Variants in TLK1 observed in about 807,000 individuals in gnomAD.
The protein encoded by TLK1 is serine/threonine-protein kinase tousled-like 1.
Under a neutral mutation model 105.3 loss-of-function variants are expected in TLK1, and 24 were observed. The ratio of observed to expected loss-of-function variants is 0.23; its 90% CI spans 0.17 to 0.32. The LOEUF is 0.32. Among genes scored for constraint, TLK1 ranks in the 10% least tolerant of loss-of-function variants. The pLI is 1.00. For missense variants in TLK1, 558 were observed against 910.5 expected (o/e 0.61, Z 4.98); for synonymous variants, 321 against 310.4 (o/e 1.03, Z -0.36).
intron 1 of TLK1, among the ~76,000 whole-genome samples, chr2:171,229,872 T>C (rs1053659902): frequency 2.0e-5 from 3 of 152,170 alleles, no homozygotes; most frequent in African/African-American, 4.8e-5. Flanking sequence ...AGAAAGACTT[T>C]CTGATTTTGC....
chr2:171,155,106 A>T (rs1692183523), intron 1 of TLK1, among the ~76,000 whole-genome samples: 1 of 152,198 alleles, frequency 6.6e-6, no homozygotes, highest in Admixed American at 6.5e-5. Context: ...ATCAATTTAA[A>T]CACTTTTCTT....
At chr2:171,041,838 C>T (rs1686692473) in intron 11 of TLK1, among the ~76,000 whole-genome samples, 1 of 152,094 alleles carries the variant, frequency 6.6e-6, no homozygotes, top group Non-Finnish European at 1.5e-5. Flanking sequence ...CCTAATTATA[C>T]TAGATATTCT....
chr2:171,046,900 ATGAATTTAATG>A (rs2105424049), intron 10 of TLK1, among the ~76,000 whole-genome samples: 2 of 152,360 alleles, frequency 1.3e-5, no homozygotes, highest in East Asian at 3.9e-4. Flanking sequence ...AAAGGCAAAT[ATGAATTTAATG>A]TGAAGAGAGT....
intron 17 of TLK1, 56 bp from the exon 18 acceptor site, chr2:171,006,338 A>T (rs929931048): frequency 2.0e-6 from 3 of 1,496,710 alleles, no homozygotes; most frequent in Non-Finnish European, 2.7e-6. Context: ...ACATAACTTT[A>T]ATAACTTTTA....
intron 11 of TLK1, among the ~76,000 whole-genome samples, chr2:171,034,531 A>G (rs757857588): frequency 1.3e-5 from 2 of 152,242 alleles, no homozygotes; most frequent in African/African-American, 4.8e-5. Flanking sequence ...CATTCAGAAG[A>G]AGCAAATACA....
chr2:171,207,080 A>G (rs774994830), intron 1 of TLK1, among the ~76,000 whole-genome samples: 4 of 152,224 alleles, frequency 2.6e-5, no homozygotes, highest in African/African-American at 9.7e-5. Context: ...ATCTATGTCT[A>G]CAAAAAACCT....
At position 171,053,848 on chromosome 2, in the gene TLK1, A is replaced by T. The variant is rs1490969895; in HGVS notation, c.645T>A (p.Asp215Glu). The change falls in exon 8 of 21, where the codon GAT (aspartate) becomes GAA (glutamate). Residue 215 changes from aspartate (D) to glutamate (E), a missense_variant. Transcript: ENST00000431350. ...KQLSFKIIQT[D>E]LTMLKLAALE... ...ATGCTGCTAATTTCAGCATTGTGAG[A>T]TCAGTCTAAATGAAAAAAAGTTATT... The T allele has an allele frequency of 6.2e-7, 1 of 1,601,042 alleles. No individual in the cohort carries two copies. Among genetic ancestry groups the T allele is most frequent in the Non-Finnish European group, 8.5e-7 (1 of 1,174,692 alleles).
At chr2:171,091,922 T>C (rs566533706) in intron 2 of TLK1, 1 of 152,386 alleles carries the variant, frequency 6.6e-6, no homozygotes, top group African/African-American at 2.4e-5. Context: ...TTTTTTGTAT[T>C]TTTAGTAGAG....
At chr2:171,006,722 T>G (rs761711597) in intron 16 of TLK1, 78 bp downstream of exon 16, 2 of 1,594,532 alleles carry the variant, frequency 1.3e-6, no homozygotes, top group South Asian at 2.2e-5. Context: ...TGGAGAGTAT[T>G]TATATCATCA....
chr2:171,205,391 G>A (rs1693485351), intron 1 of TLK1, among the ~76,000 whole-genome samples: 1 of 151,400 alleles, frequency 6.6e-6, no homozygotes, highest in Admixed American at 6.6e-5. Context: ...GGCACAATCT[G>A]AGCTTACTGC....
chr2:171,069,351 T>C (rs1688148412), intron 3 of TLK1, among the ~76,000 whole-genome samples: 1 of 152,352 alleles, frequency 6.6e-6, no homozygotes, highest in African/African-American at 2.4e-5. Flanking sequence ...AATTTAGACA[T>C]GTAAAACTTA....
At chr2:171,045,440 A>ACC (rs1558904976) in intron 11 of TLK1, 1 of 137,796 alleles carries the variant, frequency 7.3e-6, no homozygotes, top group South Asian at 2.6e-4. Flanking sequence ...CTGAGAATTT[A>ACC]CTGACCTCAC....
intron 3 of TLK1, 144 bp downstream of exon 3, chr2:171,082,637 A>G (rs528519080): frequency 4.4e-6 from 3 of 682,120 alleles, no homozygotes; most frequent in African/African-American, 1.8e-5. Context: ...GTTGTGCTTC[A>G]TAAGGCAGAA....
chr2:171,135,343 A>ATATATC (rs1244502972), intron 1 of TLK1, among the ~76,000 whole-genome samples: 1 of 150,218 alleles, frequency 6.7e-6, no homozygotes, highest in African/African-American at 2.4e-5. Flanking sequence ...ATATATATAT[A>ATATATC]TCAAAACATG....
At chr2:171,084,057 G>T (rs1486297209) in intron 2 of TLK1, among the ~76,000 whole-genome samples, 1 of 152,094 alleles carries the variant, frequency 6.6e-6, no homozygotes, top group Non-Finnish European at 1.5e-5. Context: ...AAAACTAGGT[G>T]ACAAGAATCT....
chr2:171,114,223 T>C (rs1377699403), intron 2 of TLK1, among the ~76,000 whole-genome samples: 1 of 152,132 alleles, frequency 6.6e-6, no homozygotes, highest in African/African-American at 2.4e-5. Flanking sequence ...TGAAGAATGA[T>C]GGTGTATGGT....
At chr2:171,053,962 T>A in intron 7 of TLK1, 109 bp from the exon 8 acceptor site, 1 of 804,038 alleles carries the variant, frequency 1.2e-6, no homozygotes, top group Non-Finnish European at 1.8e-6. Flanking sequence ...TATATTTGTG[T>A]GTATATGTAA....
chr2:171,066,783 T>TAG, intron 3 of TLK1: 2 of 1,517,742 alleles, frequency 1.3e-6, no homozygotes, highest in South Asian at 1.2e-5. Flanking sequence ...CTTTATTTGT[T>TAG]AAACAGTATA....
At chr2:171,040,393 C>T (rs949234715) in intron 11 of TLK1, among the ~76,000 whole-genome samples, 2 of 152,072 alleles carry the variant, frequency 1.3e-5, no homozygotes, top group African/African-American at 4.8e-5. Context: ...GGGATGTTGA[C>T]AGTAGAAGAG....
Sources: allele counts gnomAD v4.1 joint callset (sites outside exome capture counted in the v4.1 genomes callset), GRCh38; gene constraint gnomAD v4.1.1; transcripts MANE v1.5; gene names NCBI Gene and HGNC (gene_info 2026-07-23, HGNC 2026-07-21).